Variants in KIF1B observed in about 807,000 individuals in gnomAD.
KIF1B encodes kinesin-like protein KIF1B.
KIF1B carries 76 observed loss-of-function variants against 241.9 expected under a neutral mutation model. The observed-to-expected ratio is 0.31, with a 90% CI of 0.26 to 0.38. KIF1B has a LOEUF of 0.38. Among genes scored for constraint, KIF1B ranks in the 10% least tolerant of loss-of-function variants. KIF1B has a pLI of 1.00. For synonymous variants in KIF1B, 750 were observed against 796.7 expected (o/e 0.94, Z 0.99); for missense variants, 1,622 against 2,271.4 (o/e 0.71, Z 5.81).
intron 2 of KIF1B, among the ~76,000 whole-genome samples, chr1:10,244,881 G>T (rs938196350): frequency 6.6e-6 from 1 of 152,074 alleles, no homozygotes; most frequent in Non-Finnish European, 1.5e-5. Flanking sequence ...CAAAGGACTG[G>T]GATTACAGGC....
intron 17 of KIF1B, among the ~76,000 whole-genome samples, chr1:10,293,908 T>C (rs1650132087): frequency 6.6e-6 from 1 of 152,150 alleles, no homozygotes; most frequent in African/African-American, 2.4e-5. Flanking sequence ...CCAAACTCAG[T>C]CTTAGGACCT....
chr1:10,261,869 T>TGTGCTCTTCATGCCTCTCTCATTC (rs778451808), intron 4 of KIF1B, 36 bp from the exon 5 acceptor site: 59 of 1,398,312 alleles, frequency 4.2e-5, no homozygotes, highest in Non-Finnish European at 6.0e-5. Flanking sequence ...TCCTCTCATT[T>TGTGCTCTTCATGCCTCTCTCATTC]GTGCTCTTCA....
At chr1:10,296,734 G>T in intron 20 of KIF1B, 69 bp downstream of exon 20, 1 of 1,479,738 alleles carries the variant, frequency 6.8e-7, no homozygotes. Context: ...CTAATTTTTG[G>T]CTGTTTAAAG....
intron 22 of KIF1B, chr1:10,307,637 C>T: frequency 9.9e-7 from 1 of 1,014,940 alleles, no homozygotes; most frequent in Non-Finnish European, 1.2e-6. Flanking sequence ...TGATTTTTCT[C>T]TAAGCTTAAA....
chr1:10,214,937 A>T (rs553189881), intron 1 of KIF1B, among the ~76,000 whole-genome samples: 1 of 151,560 alleles, frequency 6.6e-6, no homozygotes, highest in East Asian at 1.9e-4. Context: ...TTTTCATTTT[A>T]GTACAATTTA....
intron 2 of KIF1B, among the ~76,000 whole-genome samples, chr1:10,236,297 CAACAACAAA>C (rs1334899937): frequency 6.6e-6 from 1 of 151,012 alleles, no homozygotes; most frequent in Non-Finnish European, 1.5e-5. Context: ...ACAACAACAA[CAACAACAAA>C]AACCCATATA....
chr1:10,235,086 C>G (rs1407032154), intron 2 of KIF1B, among the ~76,000 whole-genome samples: 4 of 151,828 alleles, frequency 2.6e-5, no homozygotes, highest in Non-Finnish European at 1.5e-5. Context: ...GATGGGGTTT[C>G]ACCATGTTGG....
chr1:10,255,042 G>A (rs1222267305), intron 2 of KIF1B, among the ~76,000 whole-genome samples: 1 of 151,804 alleles, frequency 6.6e-6, no homozygotes, highest in African/African-American at 2.4e-5. Flanking sequence ...TCTGCCTCCC[G>A]GGTTCAAGTG....
intron 3 of KIF1B, among the ~76,000 whole-genome samples, chr1:10,256,893 G>A (rs1400354070): frequency 2.0e-5 from 3 of 151,852 alleles, no homozygotes; most frequent in Admixed American, 6.6e-5. Flanking sequence ...TGTATTTTTA[G>A]TAGAGACAGG....
chr1:10,347,704 C>T (rs762916511), intron 35 of KIF1B, 57 bp from the exon 36 acceptor site: 176 of 1,420,724 alleles, frequency 1.2e-4, no homozygotes, highest in Non-Finnish European at 1.7e-4. Flanking sequence ...CCACCAGGGG[C>T]TAAGCCTTGC....
Position 10,378,483 on chromosome 1 carries a change from C to T in KIF1B, c.*1896C>T. On this transcript the variant is annotated 3_prime_UTR_variant, in exon 49 of 49. Transcript: ENST00000676179. ...CAGTTGTCTTGGGATTGTTTTACAC[C>T]ATCCTTTACTTCCCTTGCTCAGACC... is the stretch of plus-strand genomic sequence containing the variant. 1 of 716,648 alleles carries T rather than the reference C, an allele frequency of 1.4e-6. No homozygotes were observed. Among genetic ancestry groups the T allele is most frequent in the Non-Finnish European group, 2.6e-6 (1 of 384,726 alleles). The allele number at this position is 716,648 out of a possible 1,614,324, so 44.4% of individuals were successfully genotyped here. A position where few individuals can be genotyped will look rare whatever the true frequency, so the allele number is the denominator to read the frequency against.
At chr1:10,275,252 ACCTTG>A (rs889130971) in intron 10 of KIF1B, among the ~76,000 whole-genome samples, 171 bp from the exon 11 acceptor site, 28 of 152,302 alleles carry the variant, frequency 1.8e-4, no homozygotes, top group African/African-American at 6.7e-4. Flanking sequence ...TGAAAAAATT[ACCTTG>A]TTGCGTGAGT....
chr1:10,373,553 A>G (rs1163594714), intron 45 of KIF1B, among the ~76,000 whole-genome samples: 1 of 152,084 alleles, frequency 6.6e-6, no homozygotes, highest in African/African-American at 2.4e-5. Context: ...TTCAAAAAAA[A>G]AAAAGAATGA....
intron 5 of KIF1B, among the ~76,000 whole-genome samples, chr1:10,265,783 G>A (rs1648426013): frequency 1.3e-5 from 2 of 152,112 alleles, no homozygotes; most frequent in African/African-American, 4.8e-5. Context: ...CCAGGAAGTC[G>A]AGGCTGCAGT....
chr1:10,307,322 G>C (rs1650878034), intron 22 of KIF1B: 1 of 1,005,058 alleles, frequency 9.9e-7, no homozygotes, highest in Admixed American at 5.9e-5. Context: ...TTTTGTTATT[G>C]TTGTTTTGTG....
chr1:10,372,813 A>G (rs1638783159), intron 45 of KIF1B, among the ~76,000 whole-genome samples: 1 of 147,772 alleles, frequency 6.8e-6, no homozygotes, highest in African/African-American at 2.5e-5. Context: ...ATTTTATTTT[A>G]TTTATTTATT....
At position 10,365,495 on chromosome 1, in the gene KIF1B, C is replaced by T. The variant is rs1222798691; in HGVS notation, c.4599C>T (p.Ser1533=). ...PKSLSDSLSP[S]LSSGTLSTST... ...CCCTGAGCGACTCGTTATCCCCCAG[C>T]CTCAGCAGTGGGACCCTCAGCACCT... Residue 1533 remains serine, a synonymous_variant, in exon 43 of 49, where the codon AGC becomes AGT. Transcript: ENST00000676179. The surrounding 1 kb of genome is among the most constrained non-coding windows in gnomAD (Gnocchi z 4.0). The T allele has an allele frequency of 6.2e-7, 1 of 1,614,160 alleles. No homozygotes were observed. Among genetic ancestry groups the T allele is most frequent in the East Asian group, 2.2e-5 (1 of 44,888 alleles).
intron 1 of KIF1B, among the ~76,000 whole-genome samples, chr1:10,226,043 T>C (rs1051881057): frequency 3.9e-5 from 6 of 152,010 alleles, no homozygotes; most frequent in African/African-American, 1.5e-4. Flanking sequence ...TATTGTGTAG[T>C]ATGGATAGGG....
At chr1:10,233,318 T>TA (rs1019115468) in intron 2 of KIF1B, among the ~76,000 whole-genome samples, 62 of 152,212 alleles carry the variant, frequency 4.1e-4, no homozygotes, top group South Asian at 1.9e-3. Flanking sequence ...AATCTTTTTT[T>TA]AAAAAAACAT....
Sources: gnomAD v4.1 joint callset for allele counts (sites outside exome capture counted in the v4.1 genomes callset) on GRCh38, gnomAD v4.1.1 for gene constraint, Gnocchi (gnomAD v3.1) non-coding constraint, MANE v1.5 for transcripts, NCBI Gene and HGNC (gene_info 2026-07-23, HGNC 2026-07-21) for gene names.